Variants in FBLIM1 observed in about 807,000 individuals in gnomAD.
FBLIM1 encodes the protein filamin binding LIM protein 1.
FBLIM1 carries 29 observed loss-of-function variants against 37.4 expected under a neutral mutation model. The ratio of observed to expected loss-of-function variants is 0.77; its 90% confidence interval spans 0.58 to 1.06. The LOEUF (loss-of-function observed/expected upper bound fraction) is 1.06. Among genes scored for constraint, FBLIM1 ranks in the 50% least tolerant of loss-of-function variants. The pLI is 0.00. For synonymous variants in FBLIM1, 193 were observed against 199.0 expected (o/e 0.97, Z 0.25); for missense variants, 449 against 505.6 (o/e 0.89, Z 1.07).
chr1:15,777,178 C>T lies in FBLIM1; in HGVS notation c.899C>T (p.Ala300Val), dbSNP rs757119431. Reference protein sequence around the residue: ...YCLDDFYRKFAPVCSICENPI... With the variant: ...YCLDDFYRKFVPVCSICENPI... Reference sequence around the variant, plus strand: ...GGTTCCTTTGCTTCTAGGAAATTCGCCCCCGTCTGCAGCATCTGTGAAAAT... The same window carrying T: ...GGTTCCTTTGCTTCTAGGAAATTCGTCCCCGTCTGCAGCATCTGTGAAAAT... Residue 300 changes from alanine (A) to valine (V), a missense_variant, in exon 8 of 9, where the codon GCC (alanine) becomes GTC (valine). Ala to Val is a moderately conservative substitution (Grantham distance 64). Transcript: ENST00000375766. 2 of 1,598,736 alleles carry T rather than the reference C, an allele frequency of 1.3e-6. No individual in the cohort carries two copies. Among genetic ancestry groups the T allele is most frequent in the East Asian group, 2.2e-5 (1 of 44,498 alleles).
In FBLIM1 at chr1:15,784,949, C is replaced by T. The variant is rs1416700968; in HGVS notation, c.*288C>T. On this transcript the variant is annotated 3_prime_UTR_variant, in exon 9 of 9. Coordinates refer to ENST00000375766, the MANE Select transcript of FBLIM1 (RefSeq NM_017556.4). ...AAAAGCTGGGGGAGGTTGGACCCCT[C>T]TCACTGACTAGCTGTCTGGTAGGGG... is the stretch of plus-strand genomic sequence containing the variant. The T allele has an allele frequency of 3.1e-6, 1 of 321,408 alleles. No homozygotes were observed. Among genetic ancestry groups the T allele is most frequent in the Non-Finnish European group, 5.8e-6 (1 of 171,172 alleles). The allele number at this position is 321,408 out of a possible 1,614,324, so 19.9% of individuals were successfully genotyped here.
At chr1:15,779,361 C>G (rs1245193785) in intron 8 of FBLIM1, among the ~76,000 whole-genome samples, 1 of 151,504 alleles carries the variant, frequency 6.6e-6, no homozygotes, top group Non-Finnish European at 1.5e-5. Flanking sequence ...CTGGAGTGCA[C>G]CAGTGCGATC....
At chr1:15,771,339 C>T (rs1054137514) in intron 6 of FBLIM1, among the ~76,000 whole-genome samples, 5 of 151,562 alleles carry the variant, frequency 3.3e-5, no homozygotes, top group African/African-American at 7.3e-5. Context: ...CTCTGCTTCC[C>T]GGGTTGAAGC....
rs2068889797 is a variant in FBLIM1, at chr1:15,765,860, C to T, written c.250+627C>T. Reference sequence around the variant, plus strand: ...TGAATTCCTGCCCGCCCATCATAGCCTATGGGCCCTGCACCGGGAGGCAGG... The same window carrying T: ...TGAATTCCTGCCCGCCCATCATAGCTTATGGGCCCTGCACCGGGAGGCAGG... On this transcript the variant is annotated intron_variant, in intron 3 of 8. Transcript: ENST00000375766. The surrounding 1 kb of genome is among the most constrained non-coding windows in gnomAD (Gnocchi z 5.9). Among the ~76,000 whole-genome samples, 1 of 152,222 alleles carries T rather than the reference C, an allele frequency of 6.6e-6. No individual in the cohort carries two copies. Among genetic ancestry groups the T allele is most frequent in the South Asian group, 2.1e-4 (1 of 4,834 alleles).
At position 15,767,575 on chromosome 1, in the gene FBLIM1, C is replaced by T; in HGVS notation, c.438+12C>T. On this transcript the variant is annotated intron_variant, in intron 4 of 8. Transcript: ENST00000375766. The stretch of plus-strand genomic sequence containing the variant: ...CGCCCCCACCACAGGTACTGCCTGC[C>T]CCCCGACCCCCAGCAATCCCTTGGT... The T allele has an allele frequency of 1.0e-6, 1 of 974,778 alleles. No homozygotes were observed. Among genetic ancestry groups the T allele is most frequent in the Non-Finnish European group, 1.5e-6 (1 of 683,320 alleles). 60.4% of individuals were successfully genotyped at this position (974,778 alleles called of 1,614,324 possible). A position where few individuals can be genotyped will look rare whatever the true frequency, so the allele number is the denominator to read the frequency against.
At position 15,777,292 on chromosome 1, in the gene FBLIM1, G is replaced by A. The variant is rs958211946; in HGVS notation, c.1008+5G>A. The A allele has an allele frequency of 6.2e-7, 1 of 1,604,262 alleles. No homozygotes were observed. The highest frequency in any genetic ancestry group is 8.5e-7 in the Non-Finnish European group (1 of 1,171,856). ...GAAAATTGCTACAGGTGTGAGGTGAGTGGAGCCTAGGTGGTTTAATAACAT... is the reference window on the plus strand; with the variant it reads ...GAAAATTGCTACAGGTGTGAGGTGAATGGAGCCTAGGTGGTTTAATAACAT... On this transcript the variant is annotated splice_donor_5th_base_variant and intron_variant, in intron 8 of 8. Coordinates refer to ENST00000375766, the MANE Select transcript of FBLIM1 (RefSeq NM_017556.4).
At chr1:15,761,045 C>T (rs1210592630) in intron 1 of FBLIM1, among the ~76,000 whole-genome samples, 1 of 152,122 alleles carries the variant, frequency 6.6e-6, no homozygotes, top group African/African-American at 2.4e-5. Flanking sequence ...CAGCTGTGAA[C>T]ATCTGGCCTC....
At chr1:15,756,800 T>C (rs541542043), upstream of FBLIM1, 3 of 152,404 alleles carry the variant, frequency 2.0e-5, no homozygotes, top group African/African-American at 7.2e-5. Context: ...GAAGCCTGGG[T>C]CCTAGACTAA....
At chr1:15,771,083 GCA>G (rs1483586919) in intron 6 of FBLIM1, among the ~76,000 whole-genome samples, 1 of 151,854 alleles carries the variant, frequency 6.6e-6, no homozygotes, top group Non-Finnish European at 1.5e-5. Flanking sequence ...GGGATTACAG[GCA>G]CCTGACACCA....
Position 15,765,676 on chromosome 1 carries a change from G to A in FBLIM1, c.250+443G>A, listed in dbSNP as rs1360107303. ...ACTGCAGGACACAAAGGCTGGCCCC[G>A]GGCCCTGGGGATGCTGCCAGCTGCT... is the stretch of plus-strand genomic sequence containing the variant. On this transcript the variant is annotated intron_variant, in intron 3 of 8. Coordinates refer to ENST00000375766, the MANE Select transcript of FBLIM1 (RefSeq NM_017556.4). This position sits in a 1 kb window ranked among gnomAD's most constrained non-coding sequence, Gnocchi z 5.9. 1.3e-5 allele frequency among the ~76,000 whole-genome samples: 2 copies of A among 152,158 alleles called. No homozygotes were observed. Among genetic ancestry groups the A allele is most frequent in the Admixed American group, 6.5e-5 (1 of 15,272 alleles).
chr1:15,781,715 A>ATTT (rs1235403768), intron 8 of FBLIM1, among the ~76,000 whole-genome samples: 1 of 123,370 alleles, frequency 8.1e-6, no homozygotes, highest in African/African-American at 2.9e-5. Flanking sequence ...TGTAGGTAGT[A>ATTT]TTGTTTTTTT....
chr1:15,777,572 ATTT>A (rs35178526), intron 8 of FBLIM1, among the ~76,000 whole-genome samples: 4 of 121,576 alleles, frequency 3.3e-5, no homozygotes, highest in Admixed American at 9.1e-5. Flanking sequence ...GACTCTCTCC[ATTT>A]TTTTTTTTTT....
intron 7 of FBLIM1, among the ~76,000 whole-genome samples, chr1:15,775,685 C>G (rs2069464605): frequency 6.6e-6 from 1 of 152,156 alleles, no homozygotes; most frequent in Admixed American, 6.6e-5. Flanking sequence ...TGTTCAGCCA[C>G]CTGAAAGCTC....
At chr1:15,760,531 G>GAA (rs34356141) in intron 1 of FBLIM1, among the ~76,000 whole-genome samples, 3,381 of 97,550 alleles carry the variant, frequency 0.035, 187 homozygotes, top group African/African-American at 0.11. Context: ...TTCTGTCTCA[G>GAA]AAAAAAAAAA....
chr1:15,783,085 C>T (rs1296134213), intron 8 of FBLIM1, among the ~76,000 whole-genome samples: 2 of 152,086 alleles, frequency 1.3e-5, no homozygotes, highest in Non-Finnish European at 2.9e-5. Flanking sequence ...TGAGCCACTG[C>T]GCCTGGCCCC....
chr1:15,784,877 G>A lies in FBLIM1; in HGVS notation c.*216G>A. Reference sequence around the variant, plus strand: ...GGGCACCAGAAGGCTCCTGGACCATGAGCTTCACCCCCAGAATTCCCTGCT... The same window carrying A: ...GGGCACCAGAAGGCTCCTGGACCATAAGCTTCACCCCCAGAATTCCCTGCT... On this transcript the variant is annotated 3_prime_UTR_variant, in exon 9 of 9. Transcript: ENST00000375766. 1 of 422,960 alleles carries A rather than the reference G, an allele frequency of 2.4e-6. No homozygotes were observed. The highest frequency in any genetic ancestry group is 4.3e-6 in the Non-Finnish European group (1 of 233,664). The allele number at this position is 422,960 out of a possible 1,614,324, so 26.2% of individuals were successfully genotyped here.
intron 6 of FBLIM1, among the ~76,000 whole-genome samples, chr1:15,772,827 A>T (rs1008481748): frequency 6.6e-5 from 10 of 152,058 alleles, no homozygotes; most frequent in Admixed American, 3.9e-4. Flanking sequence ...ATATGTTTTT[A>T]AAGAGAATGC....
Position 15,772,087 on chromosome 1 carries a change from G to A in FBLIM1, c.711+1509G>A, listed in dbSNP as rs74950387. Among the ~76,000 whole-genome samples, 323 of 152,250 alleles carry A rather than the reference G, an allele frequency of 2.1e-3. 2 individuals are homozygous for A. The highest frequency in any genetic ancestry group is 0.011 in the South Asian group (55 of 4,826). On this transcript the variant is annotated intron_variant, in intron 6 of 8. Coordinates refer to ENST00000375766, the MANE Select transcript of FBLIM1 (RefSeq NM_017556.4). ...TGACCACCCACAGCCGCATCCCCTG[G>A]GGATGTGTAGGCCACTCTTTGTGCT...
chr1:15,763,868 G>C (rs1318728868), intron 1 of FBLIM1, among the ~76,000 whole-genome samples: 1 of 151,888 alleles, frequency 6.6e-6, no homozygotes, highest in East Asian at 1.9e-4. Flanking sequence ...CAAACTCCTG[G>C]CCTCAAGTGA....
Sources: allele counts gnomAD v4.1 joint callset (sites outside exome capture counted in the v4.1 genomes callset), GRCh38; gene constraint gnomAD v4.1.1; non-coding constraint Gnocchi (gnomAD v3.1); transcripts MANE v1.5; gene names NCBI Gene and HGNC (gene_info 2026-07-23, HGNC 2026-07-21).